Variants in SLC4A4 observed in about 807,000 individuals in gnomAD.
SLC4A4 encodes the protein electrogenic sodium bicarbonate cotransporter 1.
SLC4A4 carries 27 observed loss-of-function variants against 111.5 expected under a neutral mutation model. That is an observed-to-expected ratio of 0.24 (90% CI 0.18 to 0.33). SLC4A4 has a LOEUF of 0.33. SLC4A4 is among the 10% of genes least tolerant of loss of function. The pLI, the probability that SLC4A4 is intolerant of heterozygous loss-of-function variation, is 1.00. For synonymous variants in SLC4A4, 443 were observed against 463.4 expected (o/e 0.96, Z 0.57); for missense variants, 909 against 1,315.5 (o/e 0.69, Z 4.78).
intron 3 of SLC4A4, among the ~76,000 whole-genome samples, chr4:71,331,229 G>A (rs1253465342): frequency 6.6e-5 from 10 of 152,296 alleles, no homozygotes; most frequent in African/African-American, 2.4e-4. Flanking sequence ...TCCCATTACT[G>A]GGTATATACC....
intron 1 of SLC4A4, among the ~76,000 whole-genome samples, chr4:71,089,031 T>G (rs1298145833): frequency 1.3e-5 from 2 of 152,108 alleles, no homozygotes; most frequent in East Asian, 1.9e-4. Context: ...GTCTGTCACT[T>G]TCGGTACACC....
chr4:71,349,240 T>C (rs550788730), intron 4 of SLC4A4, among the ~76,000 whole-genome samples: 1 of 152,354 alleles, frequency 6.6e-6, no homozygotes, highest in South Asian at 2.1e-4. Context: ...CAGAATAATC[T>C]GTTGTTCACC....
chr4:71,159,862 A>G, intron 2 of SLC4A4, among the ~76,000 whole-genome samples: 1 of 152,202 alleles, frequency 6.6e-6, no homozygotes, highest in East Asian at 1.9e-4. Flanking sequence ...ATTTTTCTAC[A>G]GCATTCTAAA....
intron 1 of SLC4A4, among the ~76,000 whole-genome samples, chr4:71,077,468 A>G (rs1301090681): frequency 6.6e-6 from 1 of 152,110 alleles, no homozygotes; most frequent in Non-Finnish European, 1.5e-5. Context: ...AGCCCTGAGT[A>G]TGTACTTTTA....
intron 2 of SLC4A4, among the ~76,000 whole-genome samples, chr4:71,161,785 G>T (rs1744621709): frequency 6.6e-6 from 1 of 152,146 alleles, no homozygotes; most frequent in Admixed American, 6.6e-5. Flanking sequence ...GGATAACTTT[G>T]TCAAGACCTT....
intron 1 of SLC4A4, among the ~76,000 whole-genome samples, chr4:71,077,134 A>G (rs567108443): frequency 6.7e-6 from 1 of 149,432 alleles, no homozygotes; most frequent in East Asian, 1.9e-4. Flanking sequence ...AAGTTGATTA[A>G]TTAGTGGTCC....
In SLC4A4 at chr4:71,147,622, G is replaced by C. The variant is rs568959691; in HGVS notation, c.-2+54830G>C. On this transcript the variant is annotated intron_variant, in intron 2 of 26. Transcript: ENST00000649996. Reference sequence around the variant, plus strand: ...TGGGGCTTGATTTAATCACAGCAGGGGTTCACTTGTCAGAATATCAAGCTA... The same window carrying C: ...TGGGGCTTGATTTAATCACAGCAGGCGTTCACTTGTCAGAATATCAAGCTA... Among the ~76,000 whole-genome samples the C allele has an allele frequency of 5.9e-5, 9 of 152,186 alleles. No homozygotes were observed. In the South Asian group the frequency reaches 1.5e-3, roughly 25 times the overall value.
chr4:71,342,379 G>C lies in SLC4A4; in HGVS notation c.389+2874G>C, dbSNP rs576813575. 2.6e-5 allele frequency among the ~76,000 whole-genome samples: 4 copies of C among 152,062 alleles called. No homozygotes were observed. The East Asian group carries it at 5.8e-4, about 22-fold the overall frequency. On this transcript the variant is annotated intron_variant, in intron 4 of 25. Transcript: ENST00000264485. ...AAAATACAGTGTGAGAATTGTCCTG[G>C]TGCAGCCTGAAGTGTTGGGAGATTT...
In SLC4A4 at chr4:71,411,750, C is replaced by T. The variant is rs116549758; in HGVS notation, c.807+14097C>T. ...GTCTGTGGTCTAAGTTGTTGCTATA[C>T]ATGTTGGGTAGAAGAATGTAAGTGT... On this transcript the variant is annotated intron_variant, in intron 7 of 25. Transcript: ENST00000264485. Among the ~76,000 whole-genome samples the T allele has an allele frequency of 5.1e-3, 782 of 152,278 alleles. 9 individuals are homozygous for T. The highest frequency in any genetic ancestry group is 0.018 in the African/African-American group (752 of 41,566).
intron 16 of SLC4A4, among the ~76,000 whole-genome samples, chr4:71,509,012 T>C (rs1731668402): frequency 1.3e-5 from 2 of 152,184 alleles, no homozygotes; most frequent in African/African-American, 4.8e-5. Context: ...CATGTGATTA[T>C]CTCAAGAGAT....
At chr4:71,193,480 T>C (rs1217253123) in intron 1 of SLC4A4, among the ~76,000 whole-genome samples, 1 of 152,162 alleles carries the variant, frequency 6.6e-6, no homozygotes, top group East Asian at 1.9e-4. Flanking sequence ...TTCAGTTGTG[T>C]GTTTTCCCAG....
intron 5 of SLC4A4, among the ~76,000 whole-genome samples, chr4:71,355,881 T>C (rs1000144506): frequency 3.3e-5 from 5 of 152,272 alleles, no homozygotes; most frequent in African/African-American, 4.8e-5. Flanking sequence ...TTCGTTTCTT[T>C]ACATTTATAT....
At chr4:71,147,339 C>G (rs1744203446) in intron 2 of SLC4A4, among the ~76,000 whole-genome samples, 1 of 152,068 alleles carries the variant, frequency 6.6e-6, no homozygotes, top group Non-Finnish European at 1.5e-5. Flanking sequence ...CTCTTCCTGT[C>G]TTCTTTTCAT....
intron 7 of SLC4A4, among the ~76,000 whole-genome samples, chr4:71,419,088 G>T (rs1011702522): frequency 6.6e-6 from 1 of 152,196 alleles, no homozygotes; most frequent in Non-Finnish European, 1.5e-5. Context: ...CGTGTGAAGT[G>T]TCAGTCTGCC....
intron 1 of SLC4A4, among the ~76,000 whole-genome samples, chr4:71,207,624 A>T (rs1318692938): frequency 6.6e-6 from 1 of 152,218 alleles, no homozygotes; most frequent in Non-Finnish European, 1.5e-5. Context: ...GTGGTAAAGG[A>T]AGTATTGGAA....
intron 2 of SLC4A4, among the ~76,000 whole-genome samples, chr4:71,243,547 C>A (rs980125953): frequency 1.3e-5 from 2 of 152,002 alleles, no homozygotes; most frequent in Admixed American, 6.6e-5. Flanking sequence ...TTATTTTACT[C>A]TTTTGGCTGA....
intron 2 of SLC4A4, among the ~76,000 whole-genome samples, chr4:71,240,064 G>A (rs1323273326): frequency 1.3e-5 from 2 of 152,014 alleles, no homozygotes; most frequent in Non-Finnish European, 2.9e-5. Context: ...CATAGATGGG[G>A]GAAATTGCTA....
chr4:71,165,964 G>A (rs1330649807), intron 2 of SLC4A4, among the ~76,000 whole-genome samples: 2 of 152,064 alleles, frequency 1.3e-5, no homozygotes, highest in African/African-American at 4.8e-5. Flanking sequence ...TACCAATATT[G>A]GTATTATCCA....
At chr4:71,158,672 T>G (rs141045048) in intron 2 of SLC4A4, among the ~76,000 whole-genome samples, 75 of 152,306 alleles carry the variant, frequency 4.9e-4, no homozygotes, top group African/African-American at 1.7e-3. Flanking sequence ...TGGCAGGCGC[T>G]TCTTCTATCA....
Sources: gnomAD v4.1 joint callset for allele counts (sites outside exome capture counted in the v4.1 genomes callset) on GRCh38, gnomAD v4.1.1 for gene constraint, MANE v1.5 for transcripts, NCBI Gene and HGNC (gene_info 2026-07-23, HGNC 2026-07-21) for gene names.